FSTL5: variants seen among roughly 807,000 people sequenced by gnomAD.
The protein encoded by FSTL5 is follistatin-related protein 5.
In FSTL5, 62 loss-of-function variants were observed where a neutral mutation model predicts 89.1. That is an observed-to-expected ratio of 0.70 (90% confidence interval 0.57 to 0.86). The LOEUF (loss-of-function observed/expected upper bound fraction) is 0.86. Among genes scored for constraint, FSTL5 ranks in the 40% least tolerant of loss-of-function variants. The probability of loss-of-function intolerance (pLI) is 0.00; values close to 1 mark genes in which losing one functional copy is unlikely to be tolerated. For synonymous variants in FSTL5, 383 were observed against 346.2 expected, an observed-to-expected ratio of 1.11 and a Z score of -1.18; for missense variants, 1,057 against 1,001.6, an observed-to-expected ratio of 1.06 and a Z score of -0.75.
chr4:161,575,222 T>G (rs766892013), intron 8 of FSTL5, among the ~76,000 whole-genome samples: 29 of 152,186 alleles, frequency 1.9e-4, no homozygotes, highest in Admixed American at 3.3e-4. Flanking sequence ...TTGTTTAAAT[T>G]CCTTGTAGAT....
intron 4 of FSTL5, among the ~76,000 whole-genome samples, chr4:161,844,376 A>G (rs12641046): frequency 0.83 from 126,186 of 152,102 alleles, 52,416 homozygotes; most frequent in Admixed American, 0.85. Flanking sequence ...ACCGTGTGGC[A>G]ATTCCTCAAG....
intron 15 of FSTL5, among the ~76,000 whole-genome samples, chr4:161,439,096 A>T (rs1490230672): frequency 2.6e-5 from 4 of 152,230 alleles, no homozygotes; most frequent in Non-Finnish European, 4.4e-5. Context: ...CTACTGAATT[A>T]TTATGAAACA....
At chr4:161,739,327 G>A (rs1739924007) in intron 6 of FSTL5, among the ~76,000 whole-genome samples, 1 of 152,132 alleles carries the variant, frequency 6.6e-6, no homozygotes, top group African/African-American at 2.4e-5. Context: ...AAGCCAAGGA[G>A]AGATGCCTGG....
chr4:161,551,723 C>A (rs1480259086), intron 8 of FSTL5, among the ~76,000 whole-genome samples: 6 of 151,918 alleles, frequency 3.9e-5, no homozygotes, highest in African/African-American at 1.4e-4. Flanking sequence ...CTGAGAAAAA[C>A]AAGAAATGGG....
rs80314340 is a variant in FSTL5, at chr4:161,522,212, G to T, written c.1313-11788C>A. Among the ~76,000 whole-genome samples, 336 of 152,264 alleles carry T rather than the reference G, an allele frequency of 2.2e-3. 11 individuals are homozygous for T. In the East Asian group the frequency reaches 0.061, roughly 28 times the overall value. On this transcript the variant is annotated intron_variant, in intron 10 of 15. Coordinates refer to ENST00000306100, the MANE Select transcript of FSTL5 (RefSeq NM_020116.5). Reference sequence around the variant, plus strand: ...GCAGTTATTGGCACAGAGAAAAAGAGAATGGGGTCAAAGATGCTCAGCAGA... The same window carrying T: ...GCAGTTATTGGCACAGAGAAAAAGATAATGGGGTCAAAGATGCTCAGCAGA...
chr4:161,946,764 G>A (rs946568658), intron 3 of FSTL5, among the ~76,000 whole-genome samples: 6 of 152,100 alleles, frequency 3.9e-5, no homozygotes, highest in African/African-American at 7.2e-5. Flanking sequence ...TAAACACTTC[G>A]AAGTGGAATT....
At chr4:161,871,946 C>A (rs933650751) in intron 4 of FSTL5, among the ~76,000 whole-genome samples, 2 of 151,586 alleles carry the variant, frequency 1.3e-5, no homozygotes, top group Non-Finnish European at 2.9e-5. Context: ...AATGCATAGT[C>A]ATGAAAGTTA....
At position 161,408,251 on chromosome 4, in the gene FSTL5, A is replaced by G. The variant is rs988234186; in HGVS notation, c.1842-21802T>C. ...GAACCATGTGACTGAGTAAGAACCT[A>G]TCTACTGCCCGTTGCTCTCAATCAG... On this transcript the variant is annotated intron_variant, in intron 15 of 15. Coordinates refer to ENST00000306100, the MANE Select transcript of FSTL5 (RefSeq NM_020116.5). Among the ~76,000 whole-genome samples the G allele has an allele frequency of 3.9e-4, 59 of 152,262 alleles. 1 individual carries two copies. The highest frequency in any genetic ancestry group is 1.4e-3 in the African/African-American group (58 of 41,552).
chr4:161,565,908 C>A (rs1040186666), intron 8 of FSTL5, among the ~76,000 whole-genome samples: 1 of 150,428 alleles, frequency 6.6e-6, no homozygotes, highest in Non-Finnish European at 1.5e-5. Context: ...ATATGATGAC[C>A]TGTTTTTCTT....
At chr4:161,893,827 G>A (rs1295964322) in intron 4 of FSTL5, among the ~76,000 whole-genome samples, 1 of 152,112 alleles carries the variant, frequency 6.6e-6, no homozygotes, top group Non-Finnish European at 1.5e-5. Context: ...GACATCAGCA[G>A]TTTTTATTAA....
intron 3 of FSTL5, among the ~76,000 whole-genome samples, chr4:161,987,472 A>ATG (rs1735996912): frequency 1.4e-5 from 2 of 142,694 alleles, no homozygotes; most frequent in Non-Finnish European, 3.0e-5. Context: ...ATATATATGT[A>ATG]TATATATATA....
chr4:161,793,357 C>T (rs1458417199), intron 4 of FSTL5, among the ~76,000 whole-genome samples: 2 of 151,998 alleles, frequency 1.3e-5, no homozygotes, highest in African/African-American at 4.8e-5. Context: ...TTCCAGCTGG[C>T]GAAGTAACAC....
At chr4:161,854,730 A>G (rs897654363) in intron 4 of FSTL5, among the ~76,000 whole-genome samples, 1 of 152,148 alleles carries the variant, frequency 6.6e-6, no homozygotes. Flanking sequence ...TACAAAATAT[A>G]TAATAAGGGA....
At chr4:162,127,101 T>C (rs1431131592) in intron 1 of FSTL5, among the ~76,000 whole-genome samples, 2 of 152,124 alleles carry the variant, frequency 1.3e-5, no homozygotes, top group East Asian at 1.9e-4. Context: ...AGTCCCTGGA[T>C]TGAGGGACTG....
chr4:161,622,662 A>G (rs1295770693), intron 7 of FSTL5, among the ~76,000 whole-genome samples: 1 of 152,116 alleles, frequency 6.6e-6, no homozygotes, highest in Non-Finnish European at 1.5e-5. Context: ...GAATGATTTA[A>G]TTACACTAGC....
intron 15 of FSTL5, among the ~76,000 whole-genome samples, chr4:161,404,219 C>A (rs1731279786): frequency 6.6e-6 from 1 of 152,154 alleles, no homozygotes; most frequent in Non-Finnish European, 1.5e-5. Flanking sequence ...GAAAAATTAT[C>A]AAGAGGCAAA....
chr4:161,846,422 T>C (rs1300338101), intron 4 of FSTL5, among the ~76,000 whole-genome samples: 1 of 152,106 alleles, frequency 6.6e-6, no homozygotes, highest in Admixed American at 6.6e-5. Flanking sequence ...TGAATGTATT[T>C]TTTAGAGTTA....
intron 4 of FSTL5, among the ~76,000 whole-genome samples, chr4:161,823,538 T>C (rs560975009): frequency 1.5e-4 from 23 of 152,278 alleles, no homozygotes; most frequent in Admixed American, 1.1e-3. Flanking sequence ...AGACACCAGA[T>C]CTTGGGAGCA....
intron 15 of FSTL5, among the ~76,000 whole-genome samples, chr4:161,454,341 C>T (rs2126399408): frequency 6.6e-6 from 1 of 152,116 alleles, no homozygotes; most frequent in Non-Finnish European, 1.5e-5. Flanking sequence ...TCATGATATC[C>T]CAACCTTCTC....
Sources: allele counts gnomAD v4.1 joint callset (sites outside exome capture counted in the v4.1 genomes callset), GRCh38; gene constraint gnomAD v4.1.1; transcripts MANE v1.5; gene names NCBI Gene and HGNC (gene_info 2026-07-23, HGNC 2026-07-21).